The following JAG1 variants were observed in gnomAD, a reference collection of about 807,000 sequenced individuals.
JAG1 encodes jagged canonical Notch ligand 1.
In JAG1, 23 loss-of-function variants were observed where a neutral mutation model predicts 148.7. The observed-to-expected ratio is 0.15, with a 90% CI of 0.11 to 0.22. The LOEUF is 0.22. Among genes scored for constraint, JAG1 ranks in the 10% least tolerant of loss-of-function variants. JAG1 has a pLI of 1.00. For synonymous variants in JAG1, 572 were observed against 598.3 expected, an observed-to-expected ratio of 0.96 and a Z score of 0.64; for missense variants, 1,054 against 1,611.2, an observed-to-expected ratio of 0.65 and a Z score of 5.92.
chr20:10,650,326 G>T lies in JAG1; in HGVS notation c.1155C>A (p.His385Gln), dbSNP rs531019589. 2 of 1,613,428 alleles carry T rather than the reference G, an allele frequency of 1.2e-6. No individual in the cohort carries two copies. Among genetic ancestry groups the T allele is most frequent in the Non-Finnish European group, 1.7e-6 (2 of 1,179,420 alleles). The change falls in exon 9 of 26, where the codon CAC (histidine) becomes CAA (glutamine). Residue 385 changes from histidine to glutamine, a missense_variant. His to Gln is a conservative substitution (Grantham distance 24). Coordinates refer to ENST00000254958, the MANE Select transcript of JAG1 (RefSeq NM_000214.3). ...TAACCAGGTCCTGGCAGGTGCCCCCGTGGGAACAGTTATTAGGAGAACAGT... is the reference window on the plus strand; with the variant it reads ...TAACCAGGTCCTGGCAGGTGCCCCCTTGGGAACAGTTATTAGGAGAACAGT... Reference protein sequence around the residue: ...IDDCSPNNCSHGGTCQDLVNG... With the variant: ...IDDCSPNNCSQGGTCQDLVNG...
At chr20:10,661,336 C>T (rs2067415907) in intron 3 of JAG1, among the ~76,000 whole-genome samples, 1 of 152,168 alleles carries the variant, frequency 6.6e-6, no homozygotes, top group Non-Finnish European at 1.5e-5. Context: ...TTGGGTCCCA[C>T]AGGGCAGCCA....
intron 2 of JAG1, among the ~76,000 whole-genome samples, chr20:10,666,638 G>C (rs953208850): frequency 6.6e-6 from 1 of 152,192 alleles, no homozygotes; most frequent in African/African-American, 2.4e-5. Context: ...TTCCAGAACA[G>C]TACTGTGAAG....
Position 10,645,777 on chromosome 20 carries a change from G to A in JAG1, c.1999+194C>T. 2 of 633,086 alleles carry A rather than the reference G, an allele frequency of 3.2e-6. No homozygotes were observed. The highest frequency in any genetic ancestry group is 5.6e-6 in the Non-Finnish European group (2 of 356,532). 39.2% of individuals were successfully genotyped at this position (633,086 alleles called of 1,614,324 possible). ...AGTCTAATTCTATAGGTCCTCAGCAGAAGCTCCTCCCCATAAGCTATCATC... is the reference window on the plus strand; with the variant it reads ...AGTCTAATTCTATAGGTCCTCAGCAAAAGCTCCTCCCCATAAGCTATCATC... On this transcript the variant is annotated intron_variant, in intron 15 of 25. Coordinates refer to ENST00000254958, the MANE Select transcript of JAG1 (RefSeq NM_000214.3). The surrounding 1 kb of genome is among the most constrained non-coding windows in gnomAD (Gnocchi z 6.1).
chr20:10,661,666 C>G (rs1343910187), intron 3 of JAG1, among the ~76,000 whole-genome samples: 4 of 152,086 alleles, frequency 2.6e-5, no homozygotes, highest in Non-Finnish European at 4.4e-5. Context: ...GTTGGTTTTT[C>G]ATAATAAGGG....
At chr20:10,668,092 TAAAAAA>T (rs58852175) in intron 2 of JAG1, among the ~76,000 whole-genome samples, 3,847 of 107,254 alleles carry the variant, frequency 0.036, 170 homozygotes, top group African/African-American at 0.13. Context: ...ACTGGCACCA[TAAAAAA>T]AAAAAAAAAA....
intron 21 of JAG1, 116 bp downstream of exon 21, chr20:10,642,372 C>A (rs1478580353): frequency 4.4e-6 from 3 of 684,472 alleles, no homozygotes; most frequent in Non-Finnish European, 7.9e-6. Context: ...CCCTTGTAGT[C>A]CCACTGTGTG....
rs1160652210 is a variant in JAG1, at chr20:10,639,480, G to A, written c.*18C>T. On this transcript the variant is annotated 3_prime_UTR_variant, in exon 26 of 26. Coordinates refer to ENST00000254958, the MANE Select transcript of JAG1 (RefSeq NM_000214.3). Reference sequence around the variant, plus strand: ...AAGCCCTCAGACTCTACCTAGCGGCGGCAGTGCCCGCGGTCTGCTATACGA... The same window carrying A: ...AAGCCCTCAGACTCTACCTAGCGGCAGCAGTGCCCGCGGTCTGCTATACGA... The A allele has an allele frequency of 7.5e-6, 12 of 1,606,276 alleles. No individual in the cohort carries two copies. Among genetic ancestry groups the A allele is most frequent in the African/African-American group, 2.7e-5 (2 of 74,782 alleles).
In JAG1 at chr20:10,651,686, C is replaced by T; in HGVS notation, c.1015G>A (p.Ala339Thr). The change falls in exon 8 of 26, where the codon GCC becomes ACC. Residue 339 changes from alanine to threonine, a missense_variant. Physicochemically the swap from Ala to Thr is moderately conservative, Grantham distance 58 (BLOSUM62 0). Coordinates refer to ENST00000254958, the MANE Select transcript of JAG1 (RefSeq NM_000214.3). ...SGPNCEIAEH[A>T]CLSDPCHNRG... ...TTGTGACAGGGATCAGAGAGGCAGG[C>T]GTGCTCAGCTGCAAAAACCAGGATG... is the stretch of plus-strand genomic sequence containing the variant. 1 of 1,611,346 alleles carries T rather than the reference C, an allele frequency of 6.2e-7. No homozygotes were observed. The highest frequency in any genetic ancestry group is 8.5e-7 in the Non-Finnish European group (1 of 1,177,936).
At position 10,645,055 on chromosome 20, in the gene JAG1, G is replaced by T; in HGVS notation, c.2228-76C>A. 1 of 1,521,064 alleles carries T rather than the reference G, an allele frequency of 6.6e-7. No homozygotes were observed. The highest frequency in any genetic ancestry group is 9.1e-7 in the Non-Finnish European group (1 of 1,095,186). 94.2% of individuals were successfully genotyped at this position (1,521,064 alleles called of 1,614,324 possible). A position where few individuals can be genotyped will look rare whatever the true frequency, so the allele number is the denominator to read the frequency against. On this transcript the variant is annotated intron_variant, in intron 17 of 25. Transcript: ENST00000254958. The surrounding 1 kb of genome is among the most constrained non-coding windows in gnomAD (Gnocchi z 6.1). ...TCTGGAGGGGCAAGAACCAGGCCCAGAGAAATATCATAAGCTCCAGGGGCC... is the reference window on the plus strand; with the variant it reads ...TCTGGAGGGGCAAGAACCAGGCCCATAGAAATATCATAAGCTCCAGGGGCC...
chr20:10,641,063 C>CG (rs750201861), intron 24 of JAG1, 50 bp downstream of exon 24: 107 of 1,613,484 alleles, frequency 6.6e-5, no homozygotes, highest in Non-Finnish European at 8.4e-5. Flanking sequence ...ACTGGTTAAC[C>CG]GAACTGCCTT....
At chr20:10,650,141 A>T (rs2067335758) in intron 9 of JAG1, 106 bp downstream of exon 9, 1 of 736,126 alleles carries the variant, frequency 1.4e-6, no homozygotes, top group South Asian at 1.5e-5. Flanking sequence ...TCTTAGCATG[A>T]TGGAGTGTGA....
intron 2 of JAG1, among the ~76,000 whole-genome samples, chr20:10,668,091 A>AT (rs1491366470): frequency 1.8e-4 from 8 of 45,622 alleles, no homozygotes; most frequent in South Asian, 1.5e-3. Context: ...CACTGGCACC[A>AT]TAAAAAAAAA....
In JAG1 at chr20:10,638,158, G is replaced by A. The variant is rs776346798; in HGVS notation, c.*1340C>T. The A allele has an allele frequency of 1.3e-5, 2 of 152,572 alleles. No homozygotes were observed. The highest frequency in any genetic ancestry group is 2.1e-4 in the South Asian group (1 of 4,808). The allele number at this position is 152,572 out of a possible 1,614,324, so 9.5% of individuals were successfully genotyped here. ...ATAAGCCTTTTTGATCTTGAACTTC[G>A]TAATAGCACTTTGATTTCCTCACTT... is the stretch of plus-strand genomic sequence containing the variant. On this transcript the variant is annotated 3_prime_UTR_variant, in exon 26 of 26. Coordinates refer to ENST00000254958, the MANE Select transcript of JAG1 (RefSeq NM_000214.3).
chr20:10,648,571 C>A lies in JAG1; in HGVS notation c.1547G>T (p.Gly516Val), dbSNP rs781393673. 1 of 1,613,796 alleles carries A rather than the reference C, an allele frequency of 6.2e-7. No individual in the cohort carries two copies. The highest frequency in any genetic ancestry group is 8.5e-7 in the Non-Finnish European group (1 of 1,180,040). ...CACCTGACAGAGGTTTCCAGAGAAA[C>A]CAGTGGGACACAGACACTGGAATCT... ...INRFQCLCPT[G>V]FSGNLCQLDI... is the part of the protein sequence containing the mutation. Residue 516 changes from glycine (G) to valine (V), a missense_variant, in exon 12 of 26, where the codon GGT becomes GTT. Gly to Val is a moderately radical substitution (Grantham distance 109). Around this residue, in one of 6 missense-constraint regions of JAG1, gnomAD observed 245 missense variants for 373.1 expected, o/e 0.66. Coordinates refer to ENST00000254958, the MANE Select transcript of JAG1 (RefSeq NM_000214.3).
intron 4 of JAG1, 69 bp from the exon 5 acceptor site, chr20:10,656,527 G>GC: frequency 1.5e-6 from 2 of 1,317,050 alleles, no homozygotes; most frequent in Admixed American, 1.7e-5. Context: ...CATGAGAATG[G>GC]CCCATTGCAT....
intron 12 of JAG1, 115 bp downstream of exon 12, chr20:10,648,434 T>C: frequency 2.3e-6 from 2 of 883,888 alleles, no homozygotes; most frequent in Non-Finnish European, 3.8e-6. Flanking sequence ...CAATAGGATG[T>C]TAATAGATGT....
At chr20:10,668,301 T>C (rs557151452) in intron 2 of JAG1, among the ~76,000 whole-genome samples, 2 of 152,046 alleles carry the variant, frequency 1.3e-5, no homozygotes, top group South Asian at 2.1e-4. Flanking sequence ...CTTCCAACAG[T>C]TGGAAGAAAA....
intron 8 of JAG1, chr20:10,650,646 C>T: frequency 2.3e-6 from 1 of 426,988 alleles, no homozygotes; most frequent in Non-Finnish European, 4.3e-6. Context: ...CAGGACATCT[C>T]TATCTGCCTA....
intron 23 of JAG1, 85 bp downstream of exon 23, chr20:10,641,375 G>GTAGA: frequency 6.7e-7 from 1 of 1,501,586 alleles, no homozygotes; most frequent in Non-Finnish European, 9.2e-7. Flanking sequence ...CTAGGGAGAA[G>GTAGA]TAGATCCTAG....
Sources: gnomAD v4.1 joint callset for allele counts (sites outside exome capture counted in the v4.1 genomes callset) on GRCh38, gnomAD v4.1.1 for gene constraint, gnomAD v4.1.1 regional missense constraint, Gnocchi (gnomAD v3.1) non-coding constraint, MANE v1.5 for transcripts, NCBI Gene and HGNC (gene_info 2026-07-23, HGNC 2026-07-21) for gene names.